The following DNAJC25 variants were observed in gnomAD, a reference collection of about 807,000 sequenced individuals.
DNAJC25 encodes dnaJ homolog subfamily C member 25.
Under a neutral mutation model 42.1 loss-of-function variants are expected in DNAJC25, and 26 were observed. That is an observed-to-expected ratio of 0.62 (90% CI 0.45 to 0.86). The LOEUF (loss-of-function observed/expected upper bound fraction) is 0.86. Ranked by LOEUF, DNAJC25 falls within the 40% of genes least tolerant of loss-of-function variation. DNAJC25 has a pLI of 0.00. For synonymous variants in DNAJC25, 189 were observed against 179.9 expected, an observed-to-expected ratio of 1.05 and a Z score of -0.40; for missense variants, 404 against 459.4, an observed-to-expected ratio of 0.88 and a Z score of 1.10.
At chr9:111,652,739 G>A (rs910151237) in intron 3 of DNAJC25, among the ~76,000 whole-genome samples, 1 of 151,358 alleles carries the variant, frequency 6.6e-6, no homozygotes, top group South Asian at 2.1e-4. Context: ...AGAGACGGGG[G>A]TTTCACCATG....
Position 111,631,415 on chromosome 9 carries a change from C to T in DNAJC25, c.8C>T (p.Ala3Val), listed in dbSNP as rs530603296. MG[A>V]PLLSPGWGAG... ...CCGCCAGCGAGGCTGGGGATGGGGG[C>T]GCCGCTGCTCTCTCCCGGCTGGGGA... The change falls in exon 1 of 4, where the codon GCG becomes GTG. Residue 3 changes from alanine to valine, a missense_variant. Coordinates refer to ENST00000313525, the MANE Select transcript of DNAJC25 (RefSeq NM_001015882.3). The T allele has an allele frequency of 1.1e-3, 1,455 of 1,280,142 alleles. 3 individuals carry two copies. The highest frequency in any genetic ancestry group is 1.4e-3 in the Non-Finnish European group (1,385 of 1,017,604). The allele number at this position is 1,280,142 out of a possible 1,614,324, so 79.3% of individuals were successfully genotyped here. A position where few individuals can be genotyped will look rare whatever the true frequency, so the allele number is the denominator to read the frequency against.
intron 1 of DNAJC25, among the ~76,000 whole-genome samples, chr9:111,644,549 A>G (rs1213230826): frequency 6.6e-6 from 1 of 152,144 alleles, no homozygotes; most frequent in Non-Finnish European, 1.5e-5. Flanking sequence ...TTTCAACGAC[A>G]CTCCAAGACC....
chr9:111,632,954 G>C (rs1346623781), intron 1 of DNAJC25, among the ~76,000 whole-genome samples: 3 of 152,116 alleles, frequency 2.0e-5, no homozygotes, highest in Non-Finnish European at 4.4e-5. Context: ...AATTTACCTA[G>C]TTCATTAAAT....
At chr9:111,632,155 T>C (rs1247381774) in intron 1 of DNAJC25, among the ~76,000 whole-genome samples, 1 of 151,494 alleles carries the variant, frequency 6.6e-6, no homozygotes, top group Non-Finnish European at 1.5e-5. Flanking sequence ...AGAAAATTGG[T>C]TTCTGGAAAT....
Position 111,649,686 on chromosome 9 carries a change from C to T in DNAJC25, c.723C>T (p.Ile241=). Residue 241 remains isoleucine (I), a synonymous_variant, in exon 3 of 4, where the codon ATC becomes ATT. Transcript: ENST00000313525. ...AGGGGGGCTATCAGAAACCCCAAAT[C>T]TGTGATCTTCTCCTGTTTCAAATTA... ...DIKGGYQKPQ[I]CDLLLFQIIL... is the part of the protein sequence containing the mutation. 6.2e-7 allele frequency: 1 copy of T among 1,614,078 alleles called. No individual in the cohort carries two copies. Among genetic ancestry groups the T allele is most frequent in the Admixed American group, 1.7e-5 (1 of 60,020 alleles).
At chr9:111,651,284 AAT>A (rs1157430900) in intron 3 of DNAJC25, among the ~76,000 whole-genome samples, 14 of 145,490 alleles carry the variant, frequency 9.6e-5, no homozygotes, top group South Asian at 4.3e-4. Flanking sequence ...AAAAAAAAAA[AAT>A]GTTATTTAGT....
chr9:111,641,726 G>C (rs1830473176), intron 1 of DNAJC25, among the ~76,000 whole-genome samples: 1 of 134,114 alleles, frequency 7.5e-6, no homozygotes, highest in African/African-American at 2.9e-5. Flanking sequence ...CGGGAGGTGA[G>C]GGGCGCCTCT....
In DNAJC25 at chr9:111,640,864, C is replaced by T. The variant is rs1400399584; in HGVS notation, c.337-6243C>T. Among the ~76,000 whole-genome samples the T allele has an allele frequency of 5.9e-5, 7 of 118,776 alleles. 3 individuals carry two copies. In the East Asian group the frequency reaches 9.2e-4, roughly 16 times the overall value. 77.9% of individuals were successfully genotyped at this position (118,776 alleles called of 152,430 possible). On this transcript the variant is annotated intron_variant, in intron 1 of 3. Transcript: ENST00000313525. ...GGGGCCAGCCCCCCGCCCGGCCAGC[C>T]GCCCCATCCGGGAGGGAGGTGGGGG...
rs530951028 is a variant in DNAJC25 at position 111,654,221 on chromosome 9, C to T, written c.*999C>T. 2 of 152,282 alleles carry T rather than the reference C, an allele frequency of 1.3e-5. No homozygotes were observed. The highest frequency in any genetic ancestry group is 3.4e-3 in the Middle Eastern group (1 of 294). The allele number at this position is 152,282 out of a possible 1,614,324, so 9.4% of individuals were successfully genotyped here. A position where few individuals can be genotyped will look rare whatever the true frequency, so the allele number is the denominator to read the frequency against. On this transcript the variant is annotated 3_prime_UTR_variant, in exon 4 of 4. Coordinates refer to ENST00000313525, the MANE Select transcript of DNAJC25 (RefSeq NM_001015882.3). ...TGTGTGGCAGTGCAAGTAAATAACA[C>T]ATTATTTGACTGAATCAGGCATGAT...
intron 1 of DNAJC25, among the ~76,000 whole-genome samples, chr9:111,640,176 C>T (rs1830430315): frequency 6.6e-6 from 1 of 151,672 alleles, no homozygotes; most frequent in Admixed American, 6.6e-5. Flanking sequence ...GATCCGCCAA[C>T]CTCGGCCTCC....
chr9:111,639,958 G>C (rs1033209540), intron 1 of DNAJC25, among the ~76,000 whole-genome samples: 5 of 127,578 alleles, frequency 3.9e-5, no homozygotes, highest in East Asian at 3.1e-4. Flanking sequence ...CTCCGTCTCC[G>C]TCTCCCCATG....
intron 1 of DNAJC25, among the ~76,000 whole-genome samples, chr9:111,645,506 T>A (rs571960554): frequency 1.3e-5 from 2 of 152,292 alleles, no homozygotes; most frequent in African/African-American, 4.8e-5. Context: ...CTGCCTGCCT[T>A]GGCCTCCCAA....
In DNAJC25 at chr9:111,654,216, T is replaced by A. The variant is rs1422655647; in HGVS notation, c.*994T>A. 1 of 152,208 alleles carries A rather than the reference T, an allele frequency of 6.6e-6. No homozygotes were observed. Among genetic ancestry groups the A allele is most frequent in the Non-Finnish European group, 1.5e-5 (1 of 68,034 alleles). 9.4% of individuals were successfully genotyped at this position (152,208 alleles called of 1,614,324 possible). ...TCACATGTGTGGCAGTGCAAGTAAA[T>A]AACACATTATTTGACTGAATCAGGC... On this transcript the variant is annotated 3_prime_UTR_variant, in exon 4 of 4. Coordinates refer to ENST00000313525, the MANE Select transcript of DNAJC25 (RefSeq NM_001015882.3).
chr9:111,633,220 C>T (rs1339298219), intron 1 of DNAJC25, among the ~76,000 whole-genome samples: 1 of 152,110 alleles, frequency 6.6e-6, no homozygotes, highest in Non-Finnish European at 1.5e-5. Context: ...TGTGTGAAAT[C>T]ATAATGGGAT....
At chr9:111,643,576 C>A (rs936241792) in intron 1 of DNAJC25, among the ~76,000 whole-genome samples, 1 of 152,158 alleles carries the variant, frequency 6.6e-6, no homozygotes, top group East Asian at 1.9e-4. Flanking sequence ...TGGAATAACA[C>A]ACCAAATTCC....
intron 1 of DNAJC25, among the ~76,000 whole-genome samples, chr9:111,641,702 C>T (rs1320485570): frequency 4.1e-3 from 527 of 127,116 alleles, no homozygotes; most frequent in East Asian, 8.7e-3. Flanking sequence ...CCCTGCCCGG[C>T]CAGCCACCCC....
intron 3 of DNAJC25, among the ~76,000 whole-genome samples, chr9:111,650,971 A>C (rs760351397): frequency 1.3e-5 from 2 of 152,152 alleles, no homozygotes; most frequent in Non-Finnish European, 2.9e-5. Context: ...CCTGTTCATA[A>C]AAGTGTTATT....
intron 1 of DNAJC25, among the ~76,000 whole-genome samples, chr9:111,643,522 G>T (rs1245922822): frequency 6.6e-6 from 1 of 152,188 alleles, no homozygotes; most frequent in Non-Finnish European, 1.5e-5. Flanking sequence ...AAATTAGAGA[G>T]AAATAGACAT....
chr9:111,634,250 G>T (rs1362979476), intron 1 of DNAJC25, among the ~76,000 whole-genome samples: 2 of 152,158 alleles, frequency 1.3e-5, no homozygotes, highest in African/African-American at 4.8e-5. Context: ...GCTCTCTCTT[G>T]GAATAAGGAT....
Sources: allele counts gnomAD v4.1 joint callset (sites outside exome capture counted in the v4.1 genomes callset), GRCh38; gene constraint gnomAD v4.1.1; transcripts MANE v1.5; gene names NCBI Gene and HGNC (gene_info 2026-07-23, HGNC 2026-07-21).